Variants in XPO4 observed in about 807,000 individuals in gnomAD.
XPO4 encodes the protein exportin 4.
Under a neutral mutation model 143.0 loss-of-function variants are expected in XPO4, and 39 were observed. The observed-to-expected ratio is 0.27, with a 90% CI of 0.21 to 0.36. The LOEUF (loss-of-function observed/expected upper bound fraction) is 0.36. XPO4 is among the 10% of genes least tolerant of loss of function. XPO4 has a pLI of 1.00. For missense variants in XPO4, 907 were observed against 1,348.0 expected (o/e 0.67, Z 5.12); for synonymous variants, 439 against 474.0 (o/e 0.93, Z 0.96).
chr13:20,868,483 G>GT, intron 2 of XPO4, 113 bp downstream of exon 2: 1 of 1,376,832 alleles, frequency 7.3e-7, no homozygotes, highest in Non-Finnish European at 9.4e-7. Context: ...TTAAATAATT[G>GT]TAACTACACA....
Position 20,842,969 on chromosome 13 carries a change from T to G in XPO4, c.653A>C (p.Gln218Pro). The G allele has an allele frequency of 6.2e-7, 1 of 1,613,678 alleles. No homozygotes were observed. Among genetic ancestry groups the G allele is most frequent in the Non-Finnish European group, 8.5e-7 (1 of 1,179,682 alleles). The change falls in exon 6 of 23, where the codon CAG becomes CCG. Residue 218 changes from glutamine to proline, a missense_variant. Transcript: ENST00000255305. ...GTAACGCTGAAATACTGAAGACATC[T>G]GAGCATTGAGGTTTTCCCGCCTGCT... is the stretch of plus-strand genomic sequence containing the variant. ...EFSRRENLNAQMSSVFQRYLA... is the reference protein window; with the variant it reads ...EFSRRENLNAPMSSVFQRYLA...
Position 20,853,023 on chromosome 13 carries a change from T to C in XPO4, c.456+2604A>G, listed in dbSNP as rs191637744. 1.0e-4 allele frequency: 101 copies of C among 985,286 alleles called. No homozygotes were observed. In the African/African-American group the frequency reaches 1.7e-3, roughly 16 times the overall value. 61.0% of individuals were successfully genotyped at this position (985,286 alleles called of 1,614,324 possible). ...ACTATATCTACTACCACAATTTATA[T>C]TACTCTAAGTAAAAATAGCTTCCCA... On this transcript the variant is annotated intron_variant, in intron 4 of 22. Coordinates refer to ENST00000255305, the MANE Select transcript of XPO4 (RefSeq NM_022459.5).
At chr13:20,824,275 C>T (rs1354421716) in intron 7 of XPO4, among the ~76,000 whole-genome samples, 2 of 152,064 alleles carry the variant, frequency 1.3e-5, no homozygotes, top group South Asian at 2.1e-4. Context: ...GTTCTTTATC[C>T]GAAATCTGTA....
At chr13:20,806,060 C>CA (rs2059499791) in intron 13 of XPO4, among the ~76,000 whole-genome samples, 2 of 151,916 alleles carry the variant, frequency 1.3e-5, no homozygotes, top group Middle Eastern at 3.4e-3. Flanking sequence ...ACTGCCCAAG[C>CA]AAAAAATATA....
chr13:20,835,723 C>T (rs535479741), intron 6 of XPO4, among the ~76,000 whole-genome samples: 5 of 152,280 alleles, frequency 3.3e-5, no homozygotes, highest in African/African-American at 7.2e-5. Context: ...CAGGTTTGAA[C>T]TGCACAGGTC....
intron 3 of XPO4, among the ~76,000 whole-genome samples, chr13:20,861,196 A>T (rs1166336656): frequency 1.3e-5 from 2 of 152,178 alleles, no homozygotes; most frequent in Non-Finnish European, 2.9e-5. Flanking sequence ...CAGTAAACAT[A>T]CAAGTGCATT....
intron 4 of XPO4, among the ~76,000 whole-genome samples, chr13:20,854,285 AGAGT>A (rs2060119502): frequency 6.6e-6 from 1 of 152,184 alleles, no homozygotes. Flanking sequence ...GATGGCTGGG[AGAGT>A]GAGTTGAGCG....
chr13:20,892,022 T>C (rs190038841), intron 1 of XPO4, among the ~76,000 whole-genome samples: 85 of 139,336 alleles, frequency 6.1e-4, no homozygotes, highest in African/African-American at 1.9e-3. Context: ...ACAAGTTTTT[T>C]TTTGTTTTGT....
intron 19 of XPO4, among the ~76,000 whole-genome samples, chr13:20,789,842 C>G (rs1470759311): frequency 6.6e-6 from 1 of 152,052 alleles, no homozygotes; most frequent in Non-Finnish European, 1.5e-5. Context: ...TCATCCCCAC[C>G]CTTATCCTGC....
chr13:20,799,033 A>AAAGAAAG, intron 16 of XPO4, 132 bp downstream of exon 16: 4 of 992,518 alleles, frequency 4.0e-6, no homozygotes, highest in South Asian at 2.7e-5. Flanking sequence ...AAAAAAAAAA[A>AAAGAAAG]AAAGAAAGAA....
chr13:20,876,094 A>T (rs1327092098), intron 1 of XPO4, among the ~76,000 whole-genome samples: 1 of 17,052 alleles, frequency 5.9e-5, no homozygotes, highest in East Asian at 3.5e-4. Context: ...TACTAAATAC[A>T]AAAAAAAAAA....
At chr13:20,809,002 T>A (rs962511214) in intron 11 of XPO4, 81 bp downstream of exon 11, 2 of 1,479,872 alleles carry the variant, frequency 1.4e-6, no homozygotes, top group Non-Finnish European at 9.2e-7. Flanking sequence ...GTGTTTAAAG[T>A]CTTTAAACAC....
intron 4 of XPO4, chr13:20,849,862 T>A (rs1240845691): frequency 2.1e-6 from 2 of 956,478 alleles, no homozygotes; most frequent in South Asian, 4.8e-5. Flanking sequence ...TCCCAGCACT[T>A]TGGGAGGCTG....
chr13:20,823,612 A>C (rs993123907), intron 7 of XPO4, among the ~76,000 whole-genome samples: 1 of 151,874 alleles, frequency 6.6e-6, no homozygotes, highest in Non-Finnish European at 1.5e-5. Flanking sequence ...GGGGAAACCA[A>C]TAAAAATAAT....
At chr13:20,881,918 G>A (rs551324956) in intron 1 of XPO4, among the ~76,000 whole-genome samples, 25 of 151,900 alleles carry the variant, frequency 1.6e-4, no homozygotes, top group African/African-American at 5.6e-4. Flanking sequence ...GACCAGTCTG[G>A]CCAACAGGGT....
chr13:20,867,205 ATAAG>A (rs1261399642), intron 2 of XPO4, among the ~76,000 whole-genome samples: 1 of 152,206 alleles, frequency 6.6e-6, no homozygotes, highest in East Asian at 1.9e-4. Context: ...GACCACTGAA[ATAAG>A]TAAATTAATT....
chr13:20,850,352 T>A lies in XPO4; in HGVS notation c.456+5275A>T, dbSNP rs1204815041. On this transcript the variant is annotated intron_variant, in intron 4 of 22. Transcript: ENST00000255305. ...AATGCCTAGAGAAGTTAATTTAAGTTAGGTTGGCAATAAATGGCAGAGCTG... is the reference window on the plus strand; with the variant it reads ...AATGCCTAGAGAAGTTAATTTAAGTAAGGTTGGCAATAAATGGCAGAGCTG... The A allele has an allele frequency of 4.6e-6, 4 of 872,168 alleles. No homozygotes were observed. In the African/African-American group the frequency reaches 7.3e-5, roughly 16 times the overall value. The allele number at this position is 872,168 out of a possible 1,614,324, so 54.0% of individuals were successfully genotyped here.
At chr13:20,864,626 G>A (rs922784022) in intron 2 of XPO4, among the ~76,000 whole-genome samples, 3 of 152,142 alleles carry the variant, frequency 2.0e-5, no homozygotes, top group Non-Finnish European at 4.4e-5. Context: ...AAGATAGAGC[G>A]AATAAGCACT....
rs1214415898 is a variant in XPO4 at position 20,857,531 on chromosome 13, T to A, written c.318-1766A>T. Reference sequence around the variant, plus strand: ...TTACGAGGTCAGGAGATAGAGACCATCCTGGCTAACACGGTGAAACCCCGT... The same window carrying A: ...TTACGAGGTCAGGAGATAGAGACCAACCTGGCTAACACGGTGAAACCCCGT... On this transcript the variant is annotated intron_variant, in intron 3 of 22. Coordinates refer to ENST00000255305, the MANE Select transcript of XPO4 (RefSeq NM_022459.5). Among the ~76,000 whole-genome samples the A allele has an allele frequency of 2.6e-5, 4 of 151,346 alleles. No homozygotes were observed. In the East Asian group the frequency reaches 7.8e-4, roughly 30 times the overall value.
Sources: gnomAD v4.1 joint callset for allele counts (sites outside exome capture counted in the v4.1 genomes callset) on GRCh38, gnomAD v4.1.1 for gene constraint, MANE v1.5 for transcripts, NCBI Gene and HGNC (gene_info 2026-07-23, HGNC 2026-07-21) for gene names.